The following FAM151B variants were observed in gnomAD, a reference collection of about 807,000 sequenced individuals.
FAM151B encodes the protein family with sequence similarity 151 member B.
In FAM151B, 24 loss-of-function variants were observed where a neutral mutation model predicts 31.2. The ratio of observed to expected loss-of-function variants is 0.77; its 90% CI spans 0.56 to 1.08. The LOEUF is 1.08. Among genes scored for constraint, FAM151B ranks in the 50% least tolerant of loss-of-function variants. The probability of loss-of-function intolerance (pLI) is 0.00; values close to 1 mark genes in which losing one functional copy is unlikely to be tolerated. For synonymous variants in FAM151B, 105 were observed against 111.4 expected (o/e 0.94, Z 0.36); for missense variants, 293 against 328.6 (o/e 0.89, Z 0.84).
At chr5:80,540,618 C>T (rs552331889) in intron 5 of FAM151B, among the ~76,000 whole-genome samples, 2 of 152,170 alleles carry the variant, frequency 1.3e-5, no homozygotes, top group Admixed American at 6.5e-5. Flanking sequence ...CCTAAATGCT[C>T]ATAACCATGT....
intron 5 of FAM151B, among the ~76,000 whole-genome samples, chr5:80,529,720 A>T (rs1363961033): frequency 6.6e-6 from 1 of 152,190 alleles, no homozygotes. Flanking sequence ...GACCAATAAC[A>T]GGCTCTGAAA....
At chr5:80,504,737 C>T (rs751762268) in intron 2 of FAM151B, among the ~76,000 whole-genome samples, 7 of 152,108 alleles carry the variant, frequency 4.6e-5, no homozygotes, top group South Asian at 2.1e-4. Context: ...CTAGGATGGT[C>T]TCCATCTCCT....
chr5:80,520,513 T>C (rs1454063083), intron 4 of FAM151B, among the ~76,000 whole-genome samples: 2 of 151,440 alleles, frequency 1.3e-5, no homozygotes, highest in East Asian at 3.9e-4. Context: ...GGCATGGTAG[T>C]GTGTGCCTGT....
At chr5:80,538,877 C>T (rs937975936) in intron 5 of FAM151B, among the ~76,000 whole-genome samples, 2 of 152,038 alleles carry the variant, frequency 1.3e-5, no homozygotes, top group Non-Finnish European at 2.9e-5. Flanking sequence ...GGATTACAGG[C>T]GTGGGCCACC....
intron 5 of FAM151B, among the ~76,000 whole-genome samples, chr5:80,529,736 G>T (rs1745141641): frequency 6.6e-6 from 1 of 152,120 alleles, no homozygotes; most frequent in Non-Finnish European, 1.5e-5. Context: ...TGAAATTGAG[G>T]GAATAATTAA....
intron 5 of FAM151B, among the ~76,000 whole-genome samples, chr5:80,536,165 T>TTTA (rs1561381962): frequency 4.7e-5 from 7 of 147,616 alleles, no homozygotes; most frequent in African/African-American, 1.9e-4. Context: ...AGTTTAGTTT[T>TTTA]GTTTTGTTTT....
At chr5:80,538,655 G>A (rs982524748) in intron 5 of FAM151B, among the ~76,000 whole-genome samples, 4 of 149,934 alleles carry the variant, frequency 2.7e-5, no homozygotes, top group African/African-American at 9.9e-5. Flanking sequence ...GGAGTGCAGT[G>A]GCAGGATCTT....
At chr5:80,535,480 C>T (rs35737824) in intron 5 of FAM151B, among the ~76,000 whole-genome samples, 2,966 of 152,280 alleles carry the variant, frequency 0.019, 43 homozygotes, top group Non-Finnish European at 0.03. Context: ...CTGCCAGGAA[C>T]ATACACTGGG....
In FAM151B at chr5:80,538,448, C is replaced by CTCTT. The variant is rs776089650; in HGVS notation, c.672-3190_672-3187dup. On this transcript the variant is annotated intron_variant, in intron 5 of 5. Coordinates refer to ENST00000282226, the MANE Select transcript of FAM151B (RefSeq NM_205548.3). The stretch of plus-strand genomic sequence containing the variant: ...TCTTTCTTTCTTTCTTTCTTTCTTT[C>CTCTT]TCTTTCTTTCTTTCTTTCTTTCTTT... 9.8e-3 allele frequency among the ~76,000 whole-genome samples: 480 copies of CTCTT among 49,206 alleles called. 21 individuals carry two copies. Among genetic ancestry groups the CTCTT allele is most frequent in the East Asian group, 0.045 (71 of 1,594 alleles). The allele number at this position is 49,206 out of a possible 152,430, so 32.3% of individuals were successfully genotyped here.
intron 1 of FAM151B, among the ~76,000 whole-genome samples, chr5:80,489,630 A>C (rs554573533): frequency 5.9e-5 from 9 of 152,352 alleles, no homozygotes; most frequent in Non-Finnish European, 1.3e-4. Flanking sequence ...ATTTTTTAAA[A>C]AACAAATTTT....
intron 1 of FAM151B, among the ~76,000 whole-genome samples, chr5:80,494,510 TTC>T (rs1743456407): frequency 6.6e-6 from 1 of 150,722 alleles, no homozygotes; most frequent in Admixed American, 6.6e-5. Flanking sequence ...CTTTCTTTCT[TTC>T]TTTCTTTCTT....
chr5:80,525,628 C>T (rs1233956113), intron 5 of FAM151B, among the ~76,000 whole-genome samples: 1 of 152,064 alleles, frequency 6.6e-6, no homozygotes, highest in African/African-American at 2.4e-5. Flanking sequence ...TCATTCTGTC[C>T]AGTTCCTCTG....
At chr5:80,490,345 A>G (rs1051381540) in intron 1 of FAM151B, among the ~76,000 whole-genome samples, 2 of 152,182 alleles carry the variant, frequency 1.3e-5, no homozygotes, top group Non-Finnish European at 2.9e-5. Context: ...AACCAAGAAC[A>G]TGCCAGCCTG....
chr5:80,498,702 A>G (rs921802361), intron 1 of FAM151B: 13 of 596,956 alleles, frequency 2.2e-5, no homozygotes, highest in Non-Finnish European at 2.5e-5. Flanking sequence ...AGCCAGCTTC[A>G]TCTTCTTTCT....
intron 2 of FAM151B, among the ~76,000 whole-genome samples, chr5:80,506,494 T>TATATA (rs1743970973): frequency 1.3e-5 from 2 of 152,206 alleles, no homozygotes; most frequent in Non-Finnish European, 2.9e-5. Flanking sequence ...ATCTACTAGC[T>TATATA]TGAATCTGAA....
intron 5 of FAM151B, among the ~76,000 whole-genome samples, chr5:80,524,175 G>C (rs1207266736): frequency 6.6e-6 from 1 of 151,784 alleles, no homozygotes; most frequent in Non-Finnish European, 1.5e-5. Context: ...AATATAGATG[G>C]ACTCTATTTT....
intron 1 of FAM151B, among the ~76,000 whole-genome samples, chr5:80,494,462 TTCTTTC>T (rs1743440094): frequency 1.4e-5 from 1 of 70,942 alleles, no homozygotes; most frequent in African/African-American, 6.3e-5. Flanking sequence ...TTTCTTTTCT[TTCTTTC>T]TTTCTTTCTT....
intron 1 of FAM151B, chr5:80,501,148 G>A (rs1263142335): frequency 8.3e-6 from 3 of 361,010 alleles, no homozygotes; most frequent in Non-Finnish European, 1.5e-5. Flanking sequence ...GGAGTAACTG[G>A]GATTACAGGC....
chr5:80,511,504 C>A (rs1744186771), intron 2 of FAM151B, among the ~76,000 whole-genome samples: 1 of 151,294 alleles, frequency 6.6e-6, no homozygotes, highest in Non-Finnish European at 1.5e-5. Flanking sequence ...GGTTGGCCAC[C>A]TCTTATGGAG....
Sources: gnomAD v4.1 joint callset for allele counts (sites outside exome capture counted in the v4.1 genomes callset) on GRCh38, gnomAD v4.1.1 for gene constraint, MANE v1.5 for transcripts, NCBI Gene and HGNC (gene_info 2026-07-23, HGNC 2026-07-21) for gene names.